The following IL1A variants were observed in gnomAD, a reference collection of about 807,000 sequenced individuals.
IL1A encodes interleukin-1 alpha.
IL1A carries 16 observed loss-of-function variants against 22.2 expected under a neutral mutation model. The observed-to-expected ratio is 0.72, with a 90% CI of 0.49 to 1.09. The LOEUF (loss-of-function observed/expected upper bound fraction) is 1.09. IL1A is among the 50% of genes least tolerant of loss of function. The pLI, the probability that IL1A is intolerant of heterozygous loss-of-function variation, is 0.00. For synonymous variants in IL1A, 113 were observed against 118.5 expected (o/e 0.95, Z 0.30); for missense variants, 317 against 321.8 (o/e 0.99, Z 0.11).
chr2:112,782,033 A>G (rs946195180), intron 3 of IL1A, among the ~76,000 whole-genome samples: 5 of 152,200 alleles, frequency 3.3e-5, no homozygotes, highest in Admixed American at 3.3e-4. Context: ...TTTTTTAGGA[A>G]GACTTTTTCA....
chr2:112,782,687 T>C, intron 3 of IL1A, 29 bp downstream of exon 3: 2 of 1,502,660 alleles, frequency 1.3e-6, no homozygotes, highest in Non-Finnish European at 1.9e-6. Flanking sequence ...AGAATAGCAG[T>C]CCCATGAGAA....
At chr2:112,784,228 G>T (rs1056694325) in intron 1 of IL1A, among the ~76,000 whole-genome samples, 6 of 152,190 alleles carry the variant, frequency 3.9e-5, no homozygotes, top group Admixed American at 2.6e-4. Flanking sequence ...AACTAGTTCT[G>T]CTGTCCCTCA....
Position 112,783,705 on chromosome 2 carries a change from G to C in IL1A, c.47+19C>G. 6.2e-7 allele frequency: 1 copy of C among 1,606,326 alleles called. No individual in the cohort carries two copies. Among genetic ancestry groups the C allele is most frequent in the Non-Finnish European group, 8.5e-7 (1 of 1,172,872 alleles). On this transcript the variant is annotated intron_variant, in intron 2 of 6. Coordinates refer to ENST00000263339, the MANE Select transcript of IL1A (RefSeq NM_000575.5). ...TTGAAACCCTCATTAAATCACAAGA[G>C]ATAAATCTTATTCCTTACCTGTAAC...
In IL1A at chr2:112,781,673, T is replaced by C. The variant is rs756467473; in HGVS notation, c.250A>G (p.Arg84Gly). The C allele has an allele frequency of 2.5e-6, 4 of 1,614,152 alleles. No homozygotes were observed. In the African/African-American group the frequency reaches 4.0e-5, roughly 16 times the overall value. The change falls in exon 4 of 7, where the codon AGA becomes GGA. Residue 84 changes from arginine (R) to glycine (G), a missense_variant. Physicochemically the swap from Arg to Gly is moderately radical, Grantham distance 125 (BLOSUM62 -2). Coordinates refer to ENST00000263339, the MANE Select transcript of IL1A (RefSeq NM_000575.5). Reference sequence around the variant, plus strand: ...ATGGATTGGCTTAAACTCAACCGTCTCTTCTTCAGAACCTTCCCGTTGGTT... The same window carrying C: ...ATGGATTGGCTTAAACTCAACCGTCCCTTCTTCAGAACCTTCCCGTTGGTT... Reference protein sequence around the residue: ...VATNGKVLKKRRLSLSQSITD... With the variant: ...VATNGKVLKKGRLSLSQSITD...
At chr2:112,777,498 G>A (rs1006648789) in intron 6 of IL1A, among the ~76,000 whole-genome samples, 9 of 152,162 alleles carry the variant, frequency 5.9e-5, no homozygotes, top group African/African-American at 1.9e-4. Context: ...GGACTGGGAC[G>A]AAGGATAATG....
In IL1A at chr2:112,778,193, G is replaced by GGTGTGTGTGTGT. The variant is rs3074430; in HGVS notation, c.491-94_491-83dup. 2.1e-3 allele frequency: 1,406 copies of GGTGTGTGTGTGT among 662,614 alleles called. 7 individuals are homozygous for GGTGTGTGTGTGT. The highest frequency in any genetic ancestry group is 0.015 in the African/African-American group (742 of 51,130). The allele number at this position is 662,614 out of a possible 1,614,324, so 41.0% of individuals were successfully genotyped here. A position where few individuals can be genotyped will look rare whatever the true frequency, so the allele number is the denominator to read the frequency against. ...GTGTTGATGTAGATTGTGTGTGCAT[G>GGTGTGTGTGTGT]GTGTGTGTGTGTGTGTGTGTGTGTG... On this transcript the variant is annotated intron_variant, in intron 5 of 6. Transcript: ENST00000263339.
At position 112,775,188 on chromosome 2, in the gene IL1A, T is replaced by G. The variant is rs758077128; in HGVS notation, c.695A>C (p.Asn232Thr). 3 of 1,614,104 alleles carry G rather than the reference T, an allele frequency of 1.9e-6. No individual in the cohort carries two copies. Among genetic ancestry groups the G allele is most frequent in the Non-Finnish European group, 2.5e-6 (3 of 1,180,038 alleles). ...LFFWETHGTK[N>T]YFTSVAHPNL... ...TGGATGGGCAACTGATGTGAAATAGTTCTTAGTGCCGTGAGTTTCCCAGAA... is the reference window on the plus strand; with the variant it reads ...TGGATGGGCAACTGATGTGAAATAGGTCTTAGTGCCGTGAGTTTCCCAGAA... Residue 232 changes from asparagine (N) to threonine (T), a missense_variant, in exon 7 of 7, where the codon AAC becomes ACC. Transcript: ENST00000263339.
rs752418868 is a variant in IL1A at position 112,778,101 on chromosome 2, G to A, written c.501C>T (p.Asp167=). The A allele has an allele frequency of 6.2e-7, 1 of 1,612,778 alleles. No homozygotes were observed. The highest frequency in any genetic ancestry group is 8.5e-7 in the Non-Finnish European group (1 of 1,179,364). Residue 167 remains aspartate (D), a synonymous_variant, in exon 6 of 7, where the codon GAC becomes GAT. Transcript: ENST00000263339. ...LHNLDEAVKF[D]MGAYKSSKDD... Reference sequence around the variant, plus strand: ...CCTTTGATGACTTATAAGCACCCATGTCAAATTTCACTGGTGAAGAGAAGA... The same window carrying A: ...CCTTTGATGACTTATAAGCACCCATATCAAATTTCACTGGTGAAGAGAAGA...
rs200686721 is a variant in IL1A, at chr2:112,783,724, C to T, written c.47G>A (p.Ser16Asn). 48 of 1,612,670 alleles carry T rather than the reference C, an allele frequency of 3.0e-5. No individual in the cohort carries two copies. The highest frequency in any genetic ancestry group is 3.8e-5 in the Non-Finnish European group (45 of 1,178,788). ...ACAAGAGATAAATCTTATTCCTTAC[C>T]TGTAACAGTTCTTCAGGTCTTCAAA... ...DMFEDLKNCYSENEEDSSSID... is the reference protein window; with the variant it reads ...DMFEDLKNCYNENEEDSSSID... Residue 16 changes from serine to asparagine, a missense_variant and splice_region_variant, in exon 2 of 7, where the codon AGT becomes AAT. Physicochemically the swap from Ser to Asn is conservative, Grantham distance 46. Transcript: ENST00000263339.
In IL1A at chr2:112,777,924, TG is replaced by T. The variant is rs1426399469; in HGVS notation, c.615+62del. 6.4e-6 allele frequency: 10 copies of T among 1,567,228 alleles called. No homozygotes were observed. In the East Asian group the frequency reaches 2.0e-4, roughly 32 times the overall value. On this transcript the variant is annotated intron_variant, in intron 6 of 6. Transcript: ENST00000263339. ...CACCTTGTTAGAGGTGTCTGCCTAT[TG>T]GGCTTATTTACAAACATATGAGATG...
At chr2:112,783,921 C>G in intron 1 of IL1A, 143 bp from the exon 2 acceptor site, 1 of 739,174 alleles carries the variant, frequency 1.4e-6, no homozygotes, top group Admixed American at 2.0e-5. Flanking sequence ...TCTTCTAGCT[C>G]CTTTGAATTA....
chr2:112,784,150 T>C (rs1414474372), intron 1 of IL1A, among the ~76,000 whole-genome samples: 2 of 152,216 alleles, frequency 1.3e-5, no homozygotes, highest in Admixed American at 1.3e-4. Flanking sequence ...TTTCTCCTAA[T>C]AATTTTGGAT....
Position 112,775,139 on chromosome 2 carries a change from T to C in IL1A, c.744A>G (p.Gln248=). ...CCCCTGCCAAGCACACCCAGTAGTCTTGCTTTGTGGCAATAAACAAGTTTG... is the reference window on the plus strand; with the variant it reads ...CCCCTGCCAAGCACACCCAGTAGTCCTGCTTTGTGGCAATAAACAAGTTTG... ...AHPNLFIATK[Q]DYWVCLAGGP... Residue 248 remains glutamine (Q), a synonymous_variant, in exon 7 of 7, where the codon CAA becomes CAG. Coordinates refer to ENST00000263339, the MANE Select transcript of IL1A (RefSeq NM_000575.5). 8 of 1,614,222 alleles carry C rather than the reference T, an allele frequency of 5.0e-6. No individual in the cohort carries two copies. Among genetic ancestry groups the C allele is most frequent in the Non-Finnish European group, 6.8e-6 (8 of 1,180,026 alleles).
intron 4 of IL1A, among the ~76,000 whole-genome samples, chr2:112,779,932 C>A (rs1180331826): frequency 6.6e-6 from 1 of 152,148 alleles, no homozygotes; most frequent in Non-Finnish European, 1.5e-5. Context: ...GCAACTTTTT[C>A]ATTTTTCATT....
chr2:112,781,656 G>A lies in IL1A; in HGVS notation c.267C>T (p.Ser89=). Residue 89 remains serine, a synonymous_variant, in exon 4 of 7, where the codon AGC becomes AGT. Coordinates refer to ENST00000263339, the MANE Select transcript of IL1A (RefSeq NM_000575.5). ...CCAGGTCATCATCAGTGATGGATTGGCTTAAACTCAACCGTCTCTTCTTCA... is the reference window on the plus strand; with the variant it reads ...CCAGGTCATCATCAGTGATGGATTGACTTAAACTCAACCGTCTCTTCTTCA... ...KVLKKRRLSL[S]QSITDDDLEA... is the part of the protein sequence containing the mutation. 2 of 1,614,148 alleles carry A rather than the reference G, an allele frequency of 1.2e-6. No individual in the cohort carries two copies. The highest frequency in any genetic ancestry group is 8.5e-7 in the Non-Finnish European group (1 of 1,180,030).
At chr2:112,776,059 G>A (rs1681096900) in intron 6 of IL1A, among the ~76,000 whole-genome samples, 2 of 151,620 alleles carry the variant, frequency 1.3e-5, no homozygotes, top group South Asian at 4.2e-4. Context: ...TCTTCCTTCT[G>A]TTGGTTCTAT....
Position 112,782,747 on chromosome 2 carries a change from C to A in IL1A, c.65G>T (p.Ser22Ile). Reference protein sequence around the residue: ...KNCYSENEEDSSSIDHLSLNQ... With the variant: ...KNCYSENEEDISSIDHLSLNQ... Reference sequence around the variant, plus strand: ...CAGAGACAGATGATCAATGGAGGAACTGTCTTCTTCATTTTCACTGTCAAA... The same window carrying A: ...CAGAGACAGATGATCAATGGAGGAAATGTCTTCTTCATTTTCACTGTCAAA... Residue 22 changes from serine (S) to isoleucine (I), a missense_variant, in exon 3 of 7, where the codon AGT becomes ATT. Transcript: ENST00000263339. 1 of 1,608,606 alleles carries A rather than the reference C, an allele frequency of 6.2e-7. No individual in the cohort carries two copies. Among genetic ancestry groups the A allele is most frequent in the Non-Finnish European group, 8.5e-7 (1 of 1,175,104 alleles).
At chr2:112,779,789 G>T in intron 4 of IL1A, 123 bp from the exon 5 acceptor site, 1 of 556,820 alleles carries the variant, frequency 1.8e-6, no homozygotes, top group East Asian at 3.2e-5. Flanking sequence ...ATCCAGATGA[G>T]GAAGCAAAGA....
chr2:112,783,839 G>A (rs1242278812), intron 1 of IL1A, 61 bp from the exon 2 acceptor site: 2 of 1,426,544 alleles, frequency 1.4e-6, no homozygotes, highest in African/African-American at 1.4e-5. Flanking sequence ...ATATCTGTGA[G>A]GGGAGCCCCT....
Sources: allele counts gnomAD v4.1 joint callset (sites outside exome capture counted in the v4.1 genomes callset), GRCh38; gene constraint gnomAD v4.1.1; transcripts MANE v1.5; gene names NCBI Gene and HGNC (gene_info 2026-07-23, HGNC 2026-07-21).